OSBPL9: variants seen among roughly 807,000 people sequenced by gnomAD.
OSBPL9 encodes oxysterol binding protein like 9.
A neutral mutation model predicts 106.6 loss-of-function variants in OSBPL9; 40 were observed. That is an observed-to-expected ratio of 0.38 (90% confidence interval 0.29 to 0.49). The LOEUF is 0.49. Ranked by LOEUF, OSBPL9 falls within the 20% of genes least tolerant of loss-of-function variation. The pLI, the probability that OSBPL9 is intolerant of heterozygous loss-of-function variation, is 0.97. For missense variants in OSBPL9, 609 were observed against 887.2 expected, an observed-to-expected ratio of 0.69 and a Z score of 3.98; for synonymous variants, 269 against 295.4, an observed-to-expected ratio of 0.91 and a Z score of 0.92.
At chr1:51,530,463 A>G in the OSBPL9 span, among the ~76,000 whole-genome samples, 5 of 151,976 alleles carry the variant, frequency 3.3e-5, no homozygotes, top group Non-Finnish European at 5.9e-5. Context: ...CAAGAAAAAG[A>G]CAAATAAACC....
At chr1:51,770,452 A>AT (rs1673620133) in intron 12 of OSBPL9, among the ~76,000 whole-genome samples, 2 of 151,822 alleles carry the variant, frequency 1.3e-5, no homozygotes, top group South Asian at 4.2e-4. Context: ...CTAATTTTTT[A>AT]TTTTTTGTAG....
intron 10 of OSBPL9, 31 bp from the exon 11 acceptor site, chr1:51,761,836 G>A: frequency 6.6e-7 from 1 of 1,510,590 alleles, no homozygotes; most frequent in Non-Finnish European, 9.2e-7. Flanking sequence ...GGCTGTTTCT[G>A]TACCTTATTT....
chr1:51,629,242 T>C (rs1644959551), intron 1 of OSBPL9, among the ~76,000 whole-genome samples: 2 of 152,208 alleles, frequency 1.3e-5, no homozygotes, highest in African/African-American at 4.8e-5. Flanking sequence ...ATTGCTTTAT[T>C]TTGTTTCTCT....
At chr1:51,593,233 A>G (rs1645285288) in intron 1 of OSBPL9, among the ~76,000 whole-genome samples, 1 of 152,148 alleles carries the variant, frequency 6.6e-6, no homozygotes, top group Non-Finnish European at 1.5e-5. Flanking sequence ...ATAAATAAAT[A>G]GTGGGGAAAA....
intron 1 of OSBPL9, among the ~76,000 whole-genome samples, chr1:51,593,904 T>TCACACACACACACACACA (rs58936844): frequency 1.1e-4 from 16 of 140,102 alleles, no homozygotes; most frequent in South Asian, 4.8e-4. Context: ...TAATCAGATT[T>TCACACACACACACACACA]CACACACACA....
chr1:51,587,833 T>G (rs933375620), intron 1 of OSBPL9, among the ~76,000 whole-genome samples: 1 of 152,230 alleles, frequency 6.6e-6, no homozygotes, highest in Admixed American at 6.5e-5. Flanking sequence ...TCAGCTCCCC[T>G]CTACCCTTCA....
intron 3 of OSBPL9, among the ~76,000 whole-genome samples, chr1:51,679,838 T>C (rs1044191084): frequency 1.3e-5 from 2 of 152,240 alleles, no homozygotes; most frequent in African/African-American, 4.8e-5. Flanking sequence ...CATATTGTTA[T>C]AATTGTTCTA....
chr1:51,682,746 G>A (rs1362114479), intron 3 of OSBPL9, among the ~76,000 whole-genome samples: 1 of 151,526 alleles, frequency 6.6e-6, no homozygotes, highest in Non-Finnish European at 1.5e-5. Context: ...AACAGAGCGA[G>A]ACTCCATCTC....
the OSBPL9 span, among the ~76,000 whole-genome samples, chr1:51,553,186 G>A: frequency 1.3e-5 from 2 of 151,990 alleles, no homozygotes; most frequent in African/African-American, 2.4e-5. Context: ...CGGGGAAGCT[G>A]GTAAACAAAC....
intron 3 of OSBPL9, among the ~76,000 whole-genome samples, chr1:51,702,261 C>T (rs919667947): frequency 6.6e-6 from 1 of 152,224 alleles, no homozygotes; most frequent in Admixed American, 6.5e-5. Context: ...TACAGTCCCA[C>T]CAACAGTGTA....
At chr1:51,605,219 A>C (rs1414636903) in intron 2 of OSBPL9, among the ~76,000 whole-genome samples, 1 of 152,242 alleles carries the variant, frequency 6.6e-6, no homozygotes, top group Non-Finnish European at 1.5e-5. Context: ...CAAGCCAATA[A>C]AGGCAGGAAA....
intron 1 of OSBPL9, among the ~76,000 whole-genome samples, chr1:51,587,263 G>A (rs1414759701): frequency 6.6e-6 from 1 of 152,206 alleles, no homozygotes; most frequent in Admixed American, 6.5e-5. Flanking sequence ...TCCTCAGGAG[G>A]CTGAGGTGGG....
At chr1:51,574,756 C>T (rs374967207), upstream of OSBPL9, among the ~76,000 whole-genome samples, 1 of 152,278 alleles carries the variant, frequency 6.6e-6, no homozygotes, top group African/African-American at 2.4e-5. Flanking sequence ...TCATCCCTTA[C>T]ACATATTTAT....
chr1:51,679,758 C>T (rs779693658), intron 3 of OSBPL9, among the ~76,000 whole-genome samples: 4 of 152,118 alleles, frequency 2.6e-5, no homozygotes, highest in Admixed American at 6.5e-5. Flanking sequence ...CAGTGTACTG[C>T]AATGTTTGTG....
intron 1 of OSBPL9, among the ~76,000 whole-genome samples, chr1:51,577,913 T>C (rs1645195816): frequency 6.6e-6 from 1 of 152,202 alleles, no homozygotes; most frequent in African/African-American, 2.4e-5. Flanking sequence ...CTTCTTTATA[T>C]GACTTCCCAT....
At chr1:51,528,921 G>C in the OSBPL9 span, among the ~76,000 whole-genome samples, 2 of 151,744 alleles carry the variant, frequency 1.3e-5, no homozygotes, top group Admixed American at 1.3e-4. Context: ...ACATCAAAAA[G>C]AAAAAATAGT....
At chr1:51,702,247 A>G (rs973017062) in intron 3 of OSBPL9, among the ~76,000 whole-genome samples, 1 of 152,232 alleles carries the variant, frequency 6.6e-6, no homozygotes, top group Non-Finnish European at 1.5e-5. Flanking sequence ...TGGTTGAACT[A>G]GTTTACAGTC....
At chr1:51,771,993 C>G in intron 12 of OSBPL9, 77 bp from the exon 13 acceptor site, 2 of 1,045,354 alleles carry the variant, frequency 1.9e-6, no homozygotes, top group Non-Finnish European at 2.8e-6. Flanking sequence ...ATGTAACCAG[C>G]TAACTGTACG....
At chr1:51,600,528 T>C (rs1645321405) in intron 2 of OSBPL9, among the ~76,000 whole-genome samples, 1 of 152,170 alleles carries the variant, frequency 6.6e-6, no homozygotes, top group Non-Finnish European at 1.5e-5. Flanking sequence ...TATTATGTTC[T>C]TTTTTTCTTC....
Sources: allele counts gnomAD v4.1 joint callset (sites outside exome capture counted in the v4.1 genomes callset), GRCh38; gene constraint gnomAD v4.1.1; transcripts MANE v1.5; gene names NCBI Gene and HGNC (gene_info 2026-07-23, HGNC 2026-07-21).